The following ARID4A variants were observed in gnomAD, a reference collection of about 807,000 sequenced individuals.
ARID4A encodes the protein AT-rich interactive domain-containing protein 4A.
Under a neutral mutation model 148.6 loss-of-function variants are expected in ARID4A, and 39 were observed. That is an observed-to-expected ratio of 0.26 (90% confidence interval 0.20 to 0.34). The LOEUF is 0.34. ARID4A is among the 10% of genes least tolerant of loss of function. ARID4A has a pLI of 1.00. For missense variants in ARID4A, 1,265 were observed against 1,449.1 expected (o/e 0.87, Z 2.06); for synonymous variants, 475 against 481.2 (o/e 0.99, Z 0.17).
rs568659125 is a variant in ARID4A, at chr14:58,358,695, A to G, written c.1854-437A>G. Among the ~76,000 whole-genome samples, 15 of 152,174 alleles carry G rather than the reference A, an allele frequency of 9.9e-5. No homozygotes were observed. In the South Asian group the frequency reaches 1.9e-3, roughly 19 times the overall value. ...GGAAAAGGAAGTTGAAATGGACTTG[A>G]TAAAATAACTTGATAAAATAACCTG... On this transcript the variant is annotated intron_variant, in intron 17 of 23. Transcript: ENST00000355431.
At chr14:58,314,520 G>T (rs992377269) in intron 5 of ARID4A, among the ~76,000 whole-genome samples, 1 of 152,086 alleles carries the variant, frequency 6.6e-6, no homozygotes, top group African/African-American at 2.4e-5. Context: ...TGAACTCTTG[G>T]GATCATGTGA....
chr14:58,299,720 TTTG>T, intron 1 of ARID4A, 75 bp from the exon 2 acceptor site: 4 of 1,271,564 alleles, frequency 3.1e-6, no homozygotes, highest in Non-Finnish European at 3.4e-6. Context: ...CCCGCTGGCG[TTTG>T]TTTACTTTCT....
intron 12 of ARID4A, among the ~76,000 whole-genome samples, chr14:58,345,697 G>A (rs1312540712): frequency 1.9e-5 from 2 of 104,920 alleles, no homozygotes; most frequent in Non-Finnish European, 4.1e-5. Context: ...TATCTTTTCT[G>A]TTGTGTTTGT....
At position 58,311,159 on chromosome 14, in the gene ARID4A, A is replaced by G. The variant is rs886229015; in HGVS notation, c.274+5047A>G. Among the ~76,000 whole-genome samples the G allele has an allele frequency of 3.3e-5, 5 of 152,028 alleles. No individual in the cohort carries two copies. In the South Asian group the frequency reaches 1.0e-3, roughly 32 times the overall value. ...TACTTGGGAGGCTGAGGCAGGAGAA[A>G]TGCTTGAACCCTGGAGGCGGAGGCT... On this transcript the variant is annotated intron_variant, in intron 5 of 23. Transcript: ENST00000355431.
chr14:58,320,599 C>CTTT (rs778275420), intron 7 of ARID4A, among the ~76,000 whole-genome samples: 5 of 127,584 alleles, frequency 3.9e-5, no homozygotes, highest in African/African-American at 1.5e-4. Context: ...ATGACATTGA[C>CTTT]TTTTTTTTTT....
At chr14:58,314,164 T>A (rs924118104) in intron 5 of ARID4A, among the ~76,000 whole-genome samples, 1 of 152,248 alleles carries the variant, frequency 6.6e-6, no homozygotes, top group African/African-American at 2.4e-5. Flanking sequence ...CATAGAATTA[T>A]TAAATCCTTG....
chr14:58,305,859 T>C (rs1161011361), intron 4 of ARID4A, among the ~76,000 whole-genome samples, 163 bp from the exon 5 acceptor site: 1 of 152,216 alleles, frequency 6.6e-6, no homozygotes, highest in Non-Finnish European at 1.5e-5. Flanking sequence ...TCAAATTGCA[T>C]AATAAATAGA....
intron 17 of ARID4A, among the ~76,000 whole-genome samples, chr14:58,356,341 C>G (rs901361099): frequency 6.6e-6 from 1 of 152,128 alleles, no homozygotes; most frequent in Non-Finnish European, 1.5e-5. Context: ...CCAGACTATA[C>G]TTGATTTTAC....
chr14:58,315,907 A>G (rs1399466306), intron 5 of ARID4A, among the ~76,000 whole-genome samples: 8 of 152,172 alleles, frequency 5.3e-5, no homozygotes, highest in Non-Finnish European at 1.0e-4. Flanking sequence ...TTCTTTGAGT[A>G]TGTGCTTCGG....
rs558262629 is a variant in ARID4A, at chr14:58,332,726, C to T, written c.906+2557C>T. Among the ~76,000 whole-genome samples, 22 of 152,202 alleles carry T rather than the reference C, an allele frequency of 1.4e-4. No homozygotes were observed. The South Asian group carries it at 4.1e-3, about 29-fold the overall frequency. Reference sequence around the variant, plus strand: ...CTTTATCACCATGTAGGTGAGGCTACGCTGTTTTATTACATTACAGATCAG... The same window carrying T: ...CTTTATCACCATGTAGGTGAGGCTATGCTGTTTTATTACATTACAGATCAG... On this transcript the variant is annotated intron_variant, in intron 11 of 23. Transcript: ENST00000355431.
chr14:58,314,599 A>AT (rs962264302), intron 5 of ARID4A, among the ~76,000 whole-genome samples: 164 of 149,022 alleles, frequency 1.1e-3, no homozygotes, highest in African/African-American at 2.6e-3. Flanking sequence ...CTAATTTTTA[A>AT]TTTTTTTTTT....
rs35128078 is a variant in ARID4A at position 58,347,859 on chromosome 14, T to G, written c.1385T>G (p.Ile462Arg). The change falls in exon 15 of 24, where the codon ATA becomes AGA. Residue 462 changes from isoleucine (I) to arginine (R), a missense_variant. Physicochemically the swap from Ile to Arg is moderately conservative, Grantham distance 97. Around this residue, in one of 9 missense-constraint regions of ARID4A, gnomAD observed 205 missense variants for 196.9 expected, o/e 1.04. Transcript: ENST00000355431. ...DSNSESEREE[I>R]ELKSPRGRRR... Reference sequence around the variant, plus strand: ...AACAGTGAAAGTGAAAGAGAAGAGATAGAATTAAAATCTCCGAGGGTGAGT... The same window carrying G: ...AACAGTGAAAGTGAAAGAGAAGAGAGAGAATTAAAATCTCCGAGGGTGAGT... 80 of 1,611,294 alleles carry G rather than the reference T, an allele frequency of 5.0e-5. 1 individual carries two copies. The African/African-American group carries it at 6.3e-4, about 13-fold the overall frequency.
At chr14:58,302,827 G>A (rs1311235805) in intron 3 of ARID4A, among the ~76,000 whole-genome samples, 1 of 152,088 alleles carries the variant, frequency 6.6e-6, no homozygotes, top group Non-Finnish European at 1.5e-5. Context: ...AGGTGTGGTG[G>A]CAGGCACCTG....
chr14:58,352,278 C>T (rs2034671879), intron 16 of ARID4A, among the ~76,000 whole-genome samples: 1 of 151,926 alleles, frequency 6.6e-6, no homozygotes, highest in African/African-American at 2.4e-5. Context: ...GGAGCTATCA[C>T]AATTACATAT....
At chr14:58,306,907 T>G (rs547726674) in intron 5 of ARID4A, among the ~76,000 whole-genome samples, 7 of 152,304 alleles carry the variant, frequency 4.6e-5, no homozygotes, top group African/African-American at 1.4e-4. Flanking sequence ...AAGAAAAATA[T>G]AGATGCTCCT....
intron 23 of ARID4A, among the ~76,000 whole-genome samples, chr14:58,371,147 G>T (rs1169172140): frequency 6.6e-6 from 1 of 152,090 alleles, no homozygotes; most frequent in Non-Finnish European, 1.5e-5. Context: ...AAAATTAGCT[G>T]GGTACAGTGG....
At chr14:58,358,838 CAA>C (rs2035006041) in intron 17 of ARID4A, among the ~76,000 whole-genome samples, 1 of 152,146 alleles carries the variant, frequency 6.6e-6, no homozygotes, top group Admixed American at 6.5e-5. Flanking sequence ...CTGTGGAAAA[CAA>C]AACAGTTCAG....
At chr14:58,314,097 T>C (rs1199755069) in intron 5 of ARID4A, among the ~76,000 whole-genome samples, 1 of 152,248 alleles carries the variant, frequency 6.6e-6, no homozygotes, top group Admixed American at 6.5e-5. Context: ...ATGTATGTTC[T>C]GCTAGACTCA....
chr14:58,325,292 T>G (rs2033149453), intron 8 of ARID4A, among the ~76,000 whole-genome samples: 1 of 152,178 alleles, frequency 6.6e-6, no homozygotes, highest in Admixed American at 6.5e-5. Context: ...TGTTTTGTTT[T>G]GTTTTGTTTT....
Sources: allele counts gnomAD v4.1 joint callset (sites outside exome capture counted in the v4.1 genomes callset), GRCh38; gene constraint gnomAD v4.1.1; regional missense constraint gnomAD v4.1.1; transcripts MANE v1.5; gene names NCBI Gene and HGNC (gene_info 2026-07-23, HGNC 2026-07-21).